The following RELN variants were observed in gnomAD, a reference collection of about 807,000 sequenced individuals.
RELN encodes the protein reelin.
In RELN, 108 loss-of-function variants were observed where a neutral mutation model predicts 427.6. The observed-to-expected ratio is 0.25, with a 90% confidence interval of 0.22 to 0.30. The LOEUF (loss-of-function observed/expected upper bound fraction) is 0.30, where lower values mean the gene tolerates loss of function less well. Among genes scored for constraint, RELN ranks in the 10% least tolerant of loss-of-function variants. RELN has a pLI of 1.00. For synonymous variants in RELN, 1,524 were observed against 1,513.4 expected (o/e 1.01, Z -0.16); for missense variants, 3,715 against 4,302.8 (o/e 0.86, Z 3.82).
chr7:103,871,564 T>G (rs1344649668), intron 2 of RELN, among the ~76,000 whole-genome samples: 1 of 152,132 alleles, frequency 6.6e-6, no homozygotes, highest in East Asian at 1.9e-4. Context: ...TTTGCCTCAG[T>G]GACTTAGTTG....
At chr7:103,959,632 A>G (rs1004422093) in intron 1 of RELN, among the ~76,000 whole-genome samples, 10 of 152,018 alleles carry the variant, frequency 6.6e-5, no homozygotes, top group Non-Finnish European at 1.0e-4. Context: ...TTTTTCTGAG[A>G]CAGGGTCTCG....
intron 2 of RELN, among the ~76,000 whole-genome samples, chr7:103,911,572 T>G (rs1181682663): frequency 2.0e-5 from 3 of 150,640 alleles, no homozygotes; most frequent in Non-Finnish European, 4.4e-5. Flanking sequence ...TATTGCGGCA[T>G]TATTCACAAT....
chr7:103,492,054 C>T (rs756011501), intron 57 of RELN, 28 bp from the exon 58 acceptor site: 2 of 1,544,698 alleles, frequency 1.3e-6, no homozygotes, highest in South Asian at 2.3e-5. Flanking sequence ...AATCAATACA[C>T]AGGTAAGATT....
intron 6 of RELN, among the ~76,000 whole-genome samples, chr7:103,741,741 C>T (rs1037839491): frequency 1.3e-5 from 2 of 151,958 alleles, no homozygotes; most frequent in African/African-American, 4.8e-5. Context: ...GTATTGAGCA[C>T]CTAGAATACA....
At chr7:103,651,310 G>C (rs756927390) in intron 15 of RELN, among the ~76,000 whole-genome samples, 70 of 152,080 alleles carry the variant, frequency 4.6e-4, no homozygotes, top group Non-Finnish European at 8.5e-4. Flanking sequence ...ACACAGAATG[G>C]AATCCAGGTC....
At chr7:103,730,080 G>T (rs936495703) in intron 6 of RELN, among the ~76,000 whole-genome samples, 1 of 152,046 alleles carries the variant, frequency 6.6e-6, no homozygotes. Context: ...CCAAGTCATT[G>T]TGAAATGGCT....
intron 1 of RELN, among the ~76,000 whole-genome samples, chr7:103,939,030 T>G (rs1313316356): frequency 6.6e-6 from 1 of 152,050 alleles, no homozygotes; most frequent in Non-Finnish European, 1.5e-5. Flanking sequence ...CAATGCAACC[T>G]CTGCCTCTCG....
At chr7:103,552,392 A>G (rs1584288410) in intron 40 of RELN, among the ~76,000 whole-genome samples, 3 of 152,248 alleles carry the variant, frequency 2.0e-5, no homozygotes, top group Middle Eastern at 3.4e-3. Context: ...TACACTATAC[A>G]TATTATGTGT....
intron 35 of RELN, 25 bp downstream of exon 35, chr7:103,561,788 G>T (rs767359426): frequency 1.9e-6 from 3 of 1,613,854 alleles, no homozygotes; most frequent in Non-Finnish European, 2.5e-6. Context: ...TACAAAGAAA[G>T]AAACTGTCAG....
At chr7:103,831,439 A>G (rs1793271660) in intron 3 of RELN, among the ~76,000 whole-genome samples, 1 of 138,798 alleles carries the variant, frequency 7.2e-6, no homozygotes, top group Non-Finnish European at 1.6e-5. Context: ...ATCTAACAGA[A>G]AAGACAATAA....
intron 37 of RELN, 95 bp from the exon 38 acceptor site, chr7:103,557,254 G>T (rs1193660220): frequency 1.2e-5 from 12 of 1,040,054 alleles, no homozygotes; most frequent in East Asian, 2.5e-5. Flanking sequence ...ATGCATAAGA[G>T]AACTTATGTT....
In RELN at chr7:103,540,184, T is replaced by C. The variant is rs1562879762; in HGVS notation, c.6930+13A>G. Reference sequence around the variant, plus strand: ...TGACGACAATTAAAATAGTTAATCCTGAAGGGACTGACCTGATCGATAACC... The same window carrying C: ...TGACGACAATTAAAATAGTTAATCCCGAAGGGACTGACCTGATCGATAACC... On this transcript the variant is annotated intron_variant, in intron 44 of 64. Transcript: ENST00000428762. 3.1e-6 allele frequency: 5 copies of C among 1,614,090 alleles called. No individual in the cohort carries two copies. Among genetic ancestry groups the C allele is most frequent in the Non-Finnish European group, 4.2e-6 (5 of 1,179,972 alleles).
intron 2 of RELN, among the ~76,000 whole-genome samples, chr7:103,851,900 C>A (rs368165593): frequency 1.0e-3 from 155 of 152,262 alleles, no homozygotes; most frequent in African/African-American, 3.6e-3. Context: ...AAAATGTGAG[C>A]CCTCTGTGTT....
intron 10 of RELN, among the ~76,000 whole-genome samples, chr7:103,692,365 CAG>C (rs1833890118): frequency 6.6e-6 from 1 of 152,074 alleles, no homozygotes; most frequent in Non-Finnish European, 1.5e-5. Context: ...GTAGATTCCA[CAG>C]AAAGCCAGTT....
Position 103,671,814 on chromosome 7 carries a change from C to T in RELN, c.1290-10287G>A, listed in dbSNP as rs564462879. On this transcript the variant is annotated intron_variant, in intron 11 of 64. Coordinates refer to ENST00000428762, the MANE Select transcript of RELN (RefSeq NM_005045.4). Reference sequence around the variant, plus strand: ...AGATTTTAGTTACAATGTATCTGGGCTCCATAAATTTATTATTTATGTTAT... The same window carrying T: ...AGATTTTAGTTACAATGTATCTGGGTTCCATAAATTTATTATTTATGTTAT... 1.2e-4 allele frequency among the ~76,000 whole-genome samples: 18 copies of T among 152,164 alleles called. No individual in the cohort carries two copies. In the South Asian group the frequency reaches 3.3e-3, roughly 28 times the overall value.
chr7:103,535,611 T>C, intron 45 of RELN, 127 bp from the exon 46 acceptor site: 1 of 815,692 alleles, frequency 1.2e-6, no homozygotes, highest in Admixed American at 2.3e-5. Context: ...CCTACACTTA[T>C]ATTTCCTGCT....
At chr7:103,487,850 TATTCAGTA>T (rs1828499680) in intron 60 of RELN, among the ~76,000 whole-genome samples, 1 of 152,158 alleles carries the variant, frequency 6.6e-6, no homozygotes, top group South Asian at 2.1e-4. Context: ...ACATATAAGA[TATTCAGTA>T]ATGGGTGGGG....
chr7:103,939,941 T>G (rs1206832449), intron 1 of RELN, among the ~76,000 whole-genome samples: 2 of 152,242 alleles, frequency 1.3e-5, no homozygotes, highest in Non-Finnish European at 2.9e-5. Flanking sequence ...ATACATGTTC[T>G]GCTTGTTGAA....
intron 2 of RELN, among the ~76,000 whole-genome samples, chr7:103,902,395 T>C (rs996798190): frequency 2.0e-5 from 3 of 152,076 alleles, no homozygotes; most frequent in Admixed American, 6.6e-5. Flanking sequence ...CTTTGATAAC[T>C]ATATTTATTT....
Sources: gnomAD v4.1 joint callset for allele counts (sites outside exome capture counted in the v4.1 genomes callset) on GRCh38, gnomAD v4.1.1 for gene constraint, MANE v1.5 for transcripts, NCBI Gene and HGNC (gene_info 2026-07-23, HGNC 2026-07-21) for gene names.